CSGALNACT2: variants seen among roughly 807,000 people sequenced by gnomAD.
CSGALNACT2 encodes the protein beta 4 GalNAcT-2.
A neutral mutation model predicts 55.3 loss-of-function variants in CSGALNACT2; 35 were observed. The ratio of observed to expected loss-of-function variants is 0.63; its 90% confidence interval spans 0.48 to 0.84. The LOEUF (loss-of-function observed/expected upper bound fraction) is 0.84. Ranked by LOEUF, CSGALNACT2 falls within the 40% of genes least tolerant of loss-of-function variation. The probability of loss-of-function intolerance (pLI) is 0.00; values close to 1 mark genes in which losing one functional copy is unlikely to be tolerated. For missense variants in CSGALNACT2, 544 were observed against 657.5 expected (o/e 0.83, Z 1.89); for synonymous variants, 196 against 224.9 (o/e 0.87, Z 1.15).
chr10:43,171,647 G>C (rs746365129), intron 6 of CSGALNACT2, among the ~76,000 whole-genome samples: 2 of 152,116 alleles, frequency 1.3e-5, no homozygotes, highest in Non-Finnish European at 2.9e-5. Context: ...CACCGCACCC[G>C]GCCAAAGCAT....
At chr10:43,167,856 T>A (rs947014378) in intron 6 of CSGALNACT2, among the ~76,000 whole-genome samples, 1 of 151,934 alleles carries the variant, frequency 6.6e-6, no homozygotes, top group Non-Finnish European at 1.5e-5. Flanking sequence ...TAGAAATGAT[T>A]AAGAAGTCAC....
At chr10:43,172,720 T>G (rs1839406766) in intron 6 of CSGALNACT2, among the ~76,000 whole-genome samples, 1 of 152,184 alleles carries the variant, frequency 6.6e-6, no homozygotes, top group Non-Finnish European at 1.5e-5. Context: ...GTGAGGATCT[T>G]TATTTATTAG....
intron 1 of CSGALNACT2, among the ~76,000 whole-genome samples, chr10:43,138,841 C>CTCAGTGGATAAACTTTTTAA (rs1838555350): frequency 6.6e-6 from 1 of 152,228 alleles, no homozygotes; most frequent in African/African-American, 2.4e-5. Flanking sequence ...CTCTGCTCCT[C>CTCAGTGGATAAACTTTTTAA]TCAGTGGATA....
Position 43,155,191 on chromosome 10 carries a change from G to T in CSGALNACT2, c.42G>T (p.Trp14Cys), listed in dbSNP as rs1750754275. The T allele has an allele frequency of 1.9e-6, 3 of 1,613,990 alleles. No individual in the cohort carries two copies. In the Admixed American group the frequency reaches 5.0e-5, roughly 27 times the overall value. Reference protein sequence around the residue: ...RGLILHTRTHWLLLGLALLCS... With the variant: ...RGLILHTRTHCLLLGLALLCS... ...TGATTCTTCACACCCGGACCCACTG[G>T]TTGCTGTTGGGCCTTGCTTTGCTCT... is the stretch of plus-strand genomic sequence containing the variant. The change falls in exon 2 of 8, where the codon TGG (tryptophan) becomes TGT (cysteine). Residue 14 changes from tryptophan (W) to cysteine (C), a missense_variant. Physicochemically the swap from Trp to Cys is radical, Grantham distance 215. This residue lies in a region of CSGALNACT2 where 374 missense variants were observed against 401.3 expected (regional missense o/e 0.93). Transcript: ENST00000374466.
Position 43,160,536 on chromosome 10 carries a change from G to A in CSGALNACT2, c.921G>A (p.Val307=), listed in dbSNP as rs537394220. 9 of 1,594,990 alleles carry A rather than the reference G, an allele frequency of 5.6e-6. No individual in the cohort carries two copies. The African/African-American group carries it at 9.4e-5, about 17-fold the overall frequency. ...IHQDKKIHLT[V]VYFGKEGLSK... ...AAGACAAGAAGATTCATCTCACAGT[G>A]GTGTATTTTGGTAAAGAAGGACTGT... Residue 307 remains valine, a synonymous_variant, in exon 4 of 8, where the codon GTG becomes GTA. Coordinates refer to ENST00000374466, the MANE Select transcript of CSGALNACT2 (RefSeq NM_018590.5).
intron 1 of CSGALNACT2, among the ~76,000 whole-genome samples, chr10:43,144,777 T>G (rs527401582): frequency 6.6e-6 from 1 of 152,232 alleles, no homozygotes; most frequent in African/African-American, 2.4e-5. Context: ...TCCCAAAAGT[T>G]TTTTCACCCC....
chr10:43,163,649 A>G (rs901189141), intron 4 of CSGALNACT2: 3 of 985,266 alleles, frequency 3.0e-6, no homozygotes, highest in South Asian at 4.7e-5. Flanking sequence ...TTGGAGCCTC[A>G]TACCACCAAC....
At chr10:43,157,804 G>T (rs1839048187) in intron 2 of CSGALNACT2, among the ~76,000 whole-genome samples, 1 of 152,050 alleles carries the variant, frequency 6.6e-6, no homozygotes, top group African/African-American at 2.4e-5. Context: ...GCCGAGGTGG[G>T]CAGATTATGA....
At chr10:43,140,978 T>C (rs1838607977) in intron 1 of CSGALNACT2, among the ~76,000 whole-genome samples, 2 of 152,228 alleles carry the variant, frequency 1.3e-5, no homozygotes, top group African/African-American at 4.8e-5. Context: ...AAAAGAAAGC[T>C]TTAAAGTAAG....
intron 2 of CSGALNACT2, among the ~76,000 whole-genome samples, chr10:43,158,026 T>TA (rs770700775): frequency 0.012 from 1,203 of 99,376 alleles, 11 homozygotes; most frequent in African/African-American, 0.016. Context: ...AGACTCCGTC[T>TA]AAAAAAAAAA....
intron 4 of CSGALNACT2, among the ~76,000 whole-genome samples, chr10:43,161,206 A>C (rs1839140660): frequency 6.6e-6 from 1 of 152,196 alleles, no homozygotes. Context: ...TTTCTAAATC[A>C]TGGGCCCAAA....
chr10:43,171,490 T>A (rs764654310), intron 6 of CSGALNACT2, among the ~76,000 whole-genome samples: 7 of 152,046 alleles, frequency 4.6e-5, no homozygotes, highest in Non-Finnish European at 8.8e-5. Flanking sequence ...GTAGCTGGGA[T>A]TACAGGCACA....
At chr10:43,142,574 A>G (rs1838653202) in intron 1 of CSGALNACT2, among the ~76,000 whole-genome samples, 1 of 152,202 alleles carries the variant, frequency 6.6e-6, no homozygotes, top group Non-Finnish European at 1.5e-5. Flanking sequence ...ATGAAGTTCA[A>G]ATTTCAGTGT....
intron 1 of CSGALNACT2, among the ~76,000 whole-genome samples, chr10:43,141,145 G>C (rs1026273668): frequency 2.0e-5 from 3 of 152,156 alleles, no homozygotes; most frequent in Admixed American, 1.3e-4. Flanking sequence ...TTGGAAGGCC[G>C]AGGCAGGAGG....
intron 4 of CSGALNACT2, chr10:43,163,646 C>T (rs1039557239): frequency 3.0e-6 from 3 of 985,232 alleles, no homozygotes; most frequent in East Asian, 1.1e-4. Context: ...CTTTTGGAGC[C>T]TCATACCACC....
chr10:43,181,307 G>A (rs772281638), intron 7 of CSGALNACT2, among the ~76,000 whole-genome samples: 5 of 152,206 alleles, frequency 3.3e-5, no homozygotes, highest in Non-Finnish European at 7.3e-5. Context: ...TTTGAGGGCA[G>A]TGGTTTACCC....
intron 2 of CSGALNACT2, among the ~76,000 whole-genome samples, chr10:43,157,195 C>T (rs1230376749): frequency 3.3e-5 from 5 of 151,768 alleles, no homozygotes; most frequent in East Asian, 1.9e-4. Context: ...TTGGAAGCTG[C>T]GGAGGAAATA....
At chr10:43,145,406 G>GTTTC (rs1838723188) in intron 1 of CSGALNACT2, among the ~76,000 whole-genome samples, 2 of 75,128 alleles carry the variant, frequency 2.7e-5, no homozygotes, top group African/African-American at 1.1e-4. Context: ...AAGTTTGTTT[G>GTTTC]TTTCTTTTTT....
chr10:43,162,767 G>A lies in CSGALNACT2; in HGVS notation c.981-1099G>A, dbSNP rs1457479784. ...GTGAAAATGTAGAGGCTTCTCTCCA[G>A]CCCTAGCATCTGATTCAGTGGGTCT... On this transcript the variant is annotated intron_variant, in intron 4 of 7. Coordinates refer to ENST00000374466, the MANE Select transcript of CSGALNACT2 (RefSeq NM_018590.5). 14 of 916,914 alleles carry A rather than the reference G, an allele frequency of 1.5e-5. No homozygotes were observed. In the South Asian group the frequency reaches 7.0e-4, roughly 46 times the overall value. The allele number at this position is 916,914 out of a possible 1,614,324, so 56.8% of individuals were successfully genotyped here.
Sources: allele counts gnomAD v4.1 joint callset (sites outside exome capture counted in the v4.1 genomes callset), GRCh38; gene constraint gnomAD v4.1.1; regional missense constraint gnomAD v4.1.1; transcripts MANE v1.5; gene names NCBI Gene and HGNC (gene_info 2026-07-23, HGNC 2026-07-21).